TTC21B: variants seen among roughly 807,000 people sequenced by gnomAD.
The protein encoded by TTC21B is tetratricopeptide repeat domain 21B, also known as tetratricopeptide repeat protein 21B.
In TTC21B, 127 loss-of-function variants were observed where a neutral mutation model predicts 175.1. The observed-to-expected ratio is 0.73, with a 90% CI of 0.63 to 0.84. The LOEUF is 0.84. TTC21B is among the 40% of genes least tolerant of loss of function. The pLI, the probability that TTC21B is intolerant of heterozygous loss-of-function variation, is 0.00. For missense variants in TTC21B, 1,561 were observed against 1,558.3 expected, an observed-to-expected ratio of 1.00 and a Z score of -0.03; for synonymous variants, 524 against 524.5, an observed-to-expected ratio of 1.00 and a Z score of 0.01.
intron 5 of TTC21B, among the ~76,000 whole-genome samples, chr2:165,941,452 C>G (rs570148679): frequency 6.9e-6 from 1 of 144,788 alleles, no homozygotes; most frequent in South Asian, 2.3e-4. Flanking sequence ...CTCGGAAATA[C>G]CATAAAATAA....
chr2:165,942,774 C>T (rs1463460002), intron 5 of TTC21B, among the ~76,000 whole-genome samples: 1 of 152,194 alleles, frequency 6.6e-6, no homozygotes, highest in Non-Finnish European at 1.5e-5. Context: ...CATGCCCTAG[C>T]TTTTCCAGCT....
At chr2:165,944,632 G>T (rs1470437990) in intron 4 of TTC21B, among the ~76,000 whole-genome samples, 1 of 152,098 alleles carries the variant, frequency 6.6e-6, no homozygotes, top group African/African-American at 2.4e-5. Flanking sequence ...ATAGTTAAAA[G>T]TCTTCAATAG....
chr2:165,887,313 A>G (rs1275231492), intron 25 of TTC21B, among the ~76,000 whole-genome samples: 1 of 152,236 alleles, frequency 6.6e-6, no homozygotes, highest in African/African-American at 2.4e-5. Flanking sequence ...TTCAATGAGT[A>G]TGCTTAGAAG....
At chr2:165,898,949 A>G (rs963496081) in intron 21 of TTC21B, among the ~76,000 whole-genome samples, 182 bp from the exon 22 acceptor site, 17 of 152,204 alleles carry the variant, frequency 1.1e-4, no homozygotes, top group African/African-American at 3.6e-4. Flanking sequence ...AGATCAGTGT[A>G]ACAGAAGATA....
rs1686303328 is a variant in TTC21B, at chr2:165,919,396, G to A, written c.1554C>T (p.Cys518=). The A allele has an allele frequency of 1.2e-6, 2 of 1,613,954 alleles. No individual in the cohort carries two copies. Among genetic ancestry groups the A allele is most frequent in the African/African-American group, 2.7e-5 (2 of 74,908 alleles). ...CAGCATAAGAGGGATTGTGTTCTAA[G>A]CAGTGCTGAAGGTTATTGAAAGCTG... ...IEAAFNNLQH[C]LEHNPSYADA... The change falls in exon 13 of 29, where the codon TGC becomes TGT. Residue 518 remains cysteine, a synonymous_variant. Transcript: ENST00000243344.
chr2:165,915,869 A>C (rs1686151986), intron 14 of TTC21B, among the ~76,000 whole-genome samples: 1 of 152,238 alleles, frequency 6.6e-6, no homozygotes, highest in Non-Finnish European at 1.5e-5. Context: ...CTAAAATGTC[A>C]TTTAAGAGTC....
intron 6 of TTC21B, among the ~76,000 whole-genome samples, chr2:165,939,004 G>T (rs866928129): frequency 6.6e-6 from 1 of 152,090 alleles, no homozygotes; most frequent in South Asian, 2.1e-4. Flanking sequence ...AGAGGGAAAA[G>T]AATTATCCTA....
chr2:165,915,981 ATGTACTTTAAGTTAAC>A (rs1204041215), intron 14 of TTC21B, among the ~76,000 whole-genome samples: 2 of 152,238 alleles, frequency 1.3e-5, no homozygotes, highest in Non-Finnish European at 2.9e-5. Context: ...TACTTGTTAA[ATGTACTTTAAGTTAAC>A]TAGTAAAACA....
rs112604700 is a variant in TTC21B, at chr2:165,935,600, A to T, written c.711-2543T>A. 5.6e-3 allele frequency among the ~76,000 whole-genome samples: 858 copies of T among 152,348 alleles called. 11 individuals carry two copies. Among genetic ancestry groups the T allele is most frequent in the African/African-American group, 0.019 (804 of 41,580 alleles). ...TTAAAAAAAACTCCTGGAATCAACA[A>T]GCGATTATAGCAAGATTGTAGGATA... On this transcript the variant is annotated intron_variant, in intron 6 of 28. Coordinates refer to ENST00000243344, the MANE Select transcript of TTC21B (RefSeq NM_024753.5).
intron 6 of TTC21B, among the ~76,000 whole-genome samples, chr2:165,934,500 C>CA (rs369089707): frequency 0.019 from 1,386 of 71,754 alleles, 115 homozygotes; most frequent in African/African-American, 0.083. Flanking sequence ...GACTCTGTCT[C>CA]AAAAAAAAAA....
At chr2:165,915,088 A>G in intron 15 of TTC21B, 113 bp downstream of exon 15, 1 of 897,146 alleles carries the variant, frequency 1.1e-6, no homozygotes, top group Non-Finnish European at 1.8e-6. Context: ...CCACATTCAG[A>G]AAACGATCTG....
At chr2:165,920,012 T>C (rs979554323) in intron 12 of TTC21B, among the ~76,000 whole-genome samples, 2 of 152,134 alleles carry the variant, frequency 1.3e-5, no homozygotes, top group African/African-American at 4.8e-5. Flanking sequence ...AGTCTTAAAA[T>C]AGAAGGAAAT....
chr2:165,903,711 T>G (rs1685640318), intron 19 of TTC21B, among the ~76,000 whole-genome samples: 3 of 152,214 alleles, frequency 2.0e-5, no homozygotes, highest in Admixed American at 1.3e-4. Flanking sequence ...TTCCCTAAAT[T>G]TACCATTTCC....
intron 19 of TTC21B, among the ~76,000 whole-genome samples, chr2:165,903,437 T>C (rs1465998897): frequency 1.3e-5 from 2 of 152,172 alleles, no homozygotes; most frequent in African/African-American, 2.4e-5. Flanking sequence ...CATTTTATCC[T>C]AGAGCCCATG....
chr2:165,902,853 C>A (rs1431982099), intron 19 of TTC21B, among the ~76,000 whole-genome samples: 1 of 152,180 alleles, frequency 6.6e-6, no homozygotes, highest in Non-Finnish European at 1.5e-5. Context: ...AATTCTTGTA[C>A]CTCTACACAT....
rs763198318 is a variant in TTC21B, at chr2:165,949,454, CTTGT to C, written c.198_201del (p.Gln67MetfsTer10). On this transcript the variant is annotated frameshift_variant, in exon 3 of 29. Coordinates refer to ENST00000243344, the MANE Select transcript of TTC21B (RefSeq NM_024753.5). LOFTEE classifies it high-confidence loss of function. The stretch of plus-strand genomic sequence containing the variant: ...GCAAGTAGAGAACAAAGTGATACAT[CTTGT>C]TTATTTTTAATAGCCTCAAATTCTC... 6.2e-7 allele frequency: 1 copy of C among 1,613,814 alleles called. No individual in the cohort carries two copies. Among genetic ancestry groups the C allele is most frequent in the East Asian group, 2.2e-5 (1 of 44,790 alleles).
chr2:165,897,505 G>A (rs1685410973), intron 22 of TTC21B, among the ~76,000 whole-genome samples: 1 of 152,132 alleles, frequency 6.6e-6, no homozygotes, highest in South Asian at 2.1e-4. Flanking sequence ...TGGGGGTGGA[G>A]CAAACTTAGA....
chr2:165,950,601 T>A (rs1264213557), intron 1 of TTC21B, among the ~76,000 whole-genome samples: 1 of 152,172 alleles, frequency 6.6e-6, no homozygotes, highest in Non-Finnish European at 1.5e-5. Context: ...TCTAAGGGTA[T>A]CTAGACAGCT....
intron 14 of TTC21B, among the ~76,000 whole-genome samples, chr2:165,915,652 T>C (rs1170086119): frequency 6.6e-6 from 1 of 152,180 alleles, no homozygotes; most frequent in Admixed American, 6.5e-5. Context: ...GCTAGATAAA[T>C]GTTTTCACAA....
Sources: gnomAD v4.1 joint callset for allele counts (sites outside exome capture counted in the v4.1 genomes callset) on GRCh38, gnomAD v4.1.1 for gene constraint, MANE v1.5 for transcripts, NCBI Gene and HGNC (gene_info 2026-07-23, HGNC 2026-07-21) for gene names.